ARMC2: variants seen among roughly 807,000 people sequenced by gnomAD.
ARMC2 encodes armadillo repeat-containing protein 2.
A neutral mutation model predicts 90.3 loss-of-function variants in ARMC2; 67 were observed. The ratio of observed to expected loss-of-function variants is 0.74; its 90% confidence interval spans 0.61 to 0.91. The LOEUF (loss-of-function observed/expected upper bound fraction) is 0.91. Among genes scored for constraint, ARMC2 ranks in the 40% least tolerant of loss-of-function variants. The pLI, the probability that ARMC2 is intolerant of heterozygous loss-of-function variation, is 0.00. For synonymous variants in ARMC2, 393 were observed against 393.0 expected (o/e 1.00, Z 0.00); for missense variants, 920 against 1,030.9 (o/e 0.89, Z 1.47).
the ARMC2 span, chr6:109,002,184 G>T: frequency 1.8e-6 from 2 of 1,082,634 alleles, no homozygotes; most frequent in South Asian, 1.3e-5. Context: ...AAAACATGTT[G>T]TTGACCAACA....
At chr6:108,872,669 A>G (rs920740258) in intron 4 of ARMC2, among the ~76,000 whole-genome samples, 5 of 152,164 alleles carry the variant, frequency 3.3e-5, no homozygotes, top group Non-Finnish European at 4.4e-5. Context: ...ACCATGAAAA[A>G]TGATCATTTT....
intron 5 of ARMC2, among the ~76,000 whole-genome samples, chr6:108,882,886 T>C (rs990680431): frequency 3.3e-5 from 5 of 152,196 alleles, no homozygotes; most frequent in African/African-American, 1.2e-4. Flanking sequence ...AAGAAAAATA[T>C]TAAGACATAA....
intron 13 of ARMC2, among the ~76,000 whole-genome samples, chr6:108,955,263 T>C (rs2128506632): frequency 6.6e-6 from 1 of 152,194 alleles, no homozygotes. Flanking sequence ...TGGAGGGACA[T>C]TGAGTGCACA....
chr6:108,858,021 GT>G lies in ARMC2; in HGVS notation c.219-177del, dbSNP rs77521665. Among the ~76,000 whole-genome samples, 647 of 152,254 alleles carry G rather than the reference GT, an allele frequency of 4.2e-3. 14 individuals are homozygous for G. The East Asian group carries it at 0.082, about 19-fold the overall frequency. Reference sequence around the variant, plus strand: ...TCAGTATTTTTTAAACTTCCTAAAAGTAATCAAAAGACTTGTTAATCAACTG... The same window carrying G: ...TCAGTATTTTTTAAACTTCCTAAAAGAATCAAAAGACTTGTTAATCAACTG... On this transcript the variant is annotated intron_variant, in intron 2 of 17. Coordinates refer to ENST00000392644, the MANE Select transcript of ARMC2 (RefSeq NM_032131.6).
At chr6:109,049,778 T>G in the ARMC2 span, among the ~76,000 whole-genome samples, 1 of 151,160 alleles carries the variant, frequency 6.6e-6, no homozygotes. Context: ...TTTATATGTA[T>G]TTTTTAATAG....
chr6:108,920,646 G>A (rs1263829832), intron 10 of ARMC2, among the ~76,000 whole-genome samples: 1 of 152,122 alleles, frequency 6.6e-6, no homozygotes, highest in Non-Finnish European at 1.5e-5. Context: ...GGAAATAAGA[G>A]GCTAAGGAGG....
chr6:108,975,987 C>T (rs548994894), downstream of ARMC2, among the ~76,000 whole-genome samples: 3 of 152,258 alleles, frequency 2.0e-5, no homozygotes, highest in South Asian at 6.2e-4. Context: ...TTTTGCTGTG[C>T]AGAAGCTCTT....
At chr6:108,921,056 C>T (rs1379313949) in intron 10 of ARMC2, among the ~76,000 whole-genome samples, 1 of 152,180 alleles carries the variant, frequency 6.6e-6, no homozygotes, top group African/African-American at 2.4e-5. Flanking sequence ...TTAGTTGTGG[C>T]AGTAAGGAAA....
chr6:109,012,248 T>C, the ARMC2 span, among the ~76,000 whole-genome samples: 1 of 151,464 alleles, frequency 6.6e-6, no homozygotes. Flanking sequence ...ATATTTCTTT[T>C]TTTTTTTTTT....
chr6:108,969,828 G>A (rs1778636154), intron 17 of ARMC2, among the ~76,000 whole-genome samples: 1 of 152,122 alleles, frequency 6.6e-6, no homozygotes, highest in Admixed American at 6.5e-5. Flanking sequence ...AATCACTTGA[G>A]GCTAGGAGTT....
chr6:109,051,562 A>T, the ARMC2 span, among the ~76,000 whole-genome samples: 3 of 152,204 alleles, frequency 2.0e-5, no homozygotes, highest in South Asian at 6.2e-4. Flanking sequence ...AAAAACACTT[A>T]AAAGCTTGTA....
chr6:108,922,966 G>A (rs1774730565), intron 10 of ARMC2: 2 of 152,166 alleles, frequency 1.3e-5, no homozygotes, highest in South Asian at 4.1e-4. Flanking sequence ...AATAAGCAAG[G>A]AAACTTACAT....
the ARMC2 span, among the ~76,000 whole-genome samples, chr6:109,013,998 G>T: frequency 1.4e-5 from 2 of 147,854 alleles, no homozygotes; most frequent in Non-Finnish European, 3.0e-5. Flanking sequence ...CCTCTTATTT[G>T]CTCTATACTT....
intron 12 of ARMC2, among the ~76,000 whole-genome samples, chr6:108,947,890 TATG>T (rs1776916599): frequency 6.6e-6 from 1 of 152,130 alleles, no homozygotes; most frequent in African/African-American, 2.4e-5. Context: ...ATCACATAGT[TATG>T]ATATGAATAT....
the ARMC2 span, chr6:108,998,758 TAG>T: frequency 6.3e-7 from 1 of 1,596,296 alleles, no homozygotes; most frequent in East Asian, 2.2e-5. Flanking sequence ...AAAAGTCCCT[TAG>T]GGGGAAAAAA....
At chr6:109,026,693 C>T in the ARMC2 span, among the ~76,000 whole-genome samples, 7 of 151,922 alleles carry the variant, frequency 4.6e-5, no homozygotes, top group East Asian at 5.9e-4. Flanking sequence ...TTAGTAGCGA[C>T]GGGGTTTCAC....
At chr6:108,905,779 C>T (rs538901647) in intron 8 of ARMC2, among the ~76,000 whole-genome samples, 3 of 152,256 alleles carry the variant, frequency 2.0e-5, no homozygotes, top group East Asian at 1.9e-4. Flanking sequence ...ACATTGACGG[C>T]CTTGCTGAAT....
chr6:108,878,052 C>A (rs1431589068), intron 5 of ARMC2, among the ~76,000 whole-genome samples: 1 of 152,068 alleles, frequency 6.6e-6, no homozygotes, highest in African/African-American at 2.4e-5. Flanking sequence ...CTCCTTTAAT[C>A]GTTGGGTGGA....
chr6:108,923,371 G>T (rs1358927881), intron 10 of ARMC2, among the ~76,000 whole-genome samples: 1 of 152,060 alleles, frequency 6.6e-6, no homozygotes, highest in South Asian at 2.1e-4. Context: ...CTCCTGCTTT[G>T]GGGGAGGGCC....
Sources: gnomAD v4.1 joint callset for allele counts (sites outside exome capture counted in the v4.1 genomes callset) on GRCh38, gnomAD v4.1.1 for gene constraint, MANE v1.5 for transcripts, NCBI Gene and HGNC (gene_info 2026-07-23, HGNC 2026-07-21) for gene names.